LAMA4: variants seen among roughly 807,000 people sequenced by gnomAD.
The protein encoded by LAMA4 is laminin subunit alpha-4.
In LAMA4, 127 loss-of-function variants were observed where a neutral mutation model predicts 207.1. The observed-to-expected ratio is 0.61, with a 90% CI of 0.53 to 0.71. The LOEUF (loss-of-function observed/expected upper bound fraction) is 0.71, where lower values mean the gene tolerates loss of function less well. Among genes scored for constraint, LAMA4 ranks in the 30% least tolerant of loss-of-function variants. The pLI is 0.00. For missense variants in LAMA4, 2,093 were observed against 2,246.5 expected, an observed-to-expected ratio of 0.93 and a Z score of 1.38; for synonymous variants, 761 against 816.0, an observed-to-expected ratio of 0.93 and a Z score of 1.15.
At chr6:112,138,510 A>G (rs1779486812) in intron 24 of LAMA4, among the ~76,000 whole-genome samples, 1 of 152,192 alleles carries the variant, frequency 6.6e-6, no homozygotes, top group South Asian at 2.1e-4. Flanking sequence ...TGAGCTGTAC[A>G]GTAGATAAAG....
At chr6:112,114,333 A>G (rs587649673) in intron 37 of LAMA4, 138 bp from the exon 38 acceptor site, 1 of 850,100 alleles carries the variant, frequency 1.2e-6, no homozygotes, top group Non-Finnish European at 1.9e-6. Flanking sequence ...TATTAAAATC[A>G]TCAATGATGT....
intron 5 of LAMA4, among the ~76,000 whole-genome samples, chr6:112,193,201 C>T (rs781975146): frequency 6.6e-6 from 1 of 152,082 alleles, no homozygotes; most frequent in African/African-American, 2.4e-5. Context: ...AGAAAGAGAG[C>T]CAGCAAAGGG....
intron 16 of LAMA4, among the ~76,000 whole-genome samples, chr6:112,153,066 T>C (rs1281677426): frequency 6.6e-6 from 1 of 152,100 alleles, no homozygotes; most frequent in Non-Finnish European, 1.5e-5. Flanking sequence ...ATTTACTGAC[T>C]TGCATAAATA....
intron 11 of LAMA4, among the ~76,000 whole-genome samples, chr6:112,174,481 C>T (rs767291955): frequency 2.3e-4 from 35 of 152,260 alleles, no homozygotes; most frequent in Non-Finnish European, 4.4e-4. Flanking sequence ...TAAATGAATA[C>T]ATTTGGGGTG....
intron 2 of LAMA4, among the ~76,000 whole-genome samples, chr6:112,225,026 C>T (rs2115101600): frequency 6.6e-6 from 1 of 151,376 alleles, no homozygotes; most frequent in South Asian, 2.1e-4. Flanking sequence ...TTCTACATTG[C>T]TGGTGTTCTC....
rs782146846 is a variant in LAMA4 at position 112,185,252 on chromosome 6, C to G, written c.1062G>C (p.Glu354Asp). The change falls in exon 9 of 39, where the codon GAG becomes GAC. Residue 354 changes from glutamate (E) to aspartate (D), a missense_variant. Coordinates refer to ENST00000230538, the MANE Select transcript of LAMA4 (RefSeq NM_001105206.3). ...ACATACGTACCTTTTCAACTAATTC[C>G]TCTACGTCAGACAGAAGGCTTTTCA... ...NTMKSLLSDVEELVEKENQAS... is the reference protein window; with the variant it reads ...NTMKSLLSDVDELVEKENQAS... The G allele has an allele frequency of 6.2e-7, 1 of 1,603,958 alleles. No homozygotes were observed. The highest frequency in any genetic ancestry group is 1.1e-5 in the South Asian group (1 of 90,836).
At chr6:112,136,691 CA>C (rs57602663) in intron 24 of LAMA4, among the ~76,000 whole-genome samples, 23,322 of 118,038 alleles carry the variant, frequency 0.2, 2,317 homozygotes, top group South Asian at 0.37. Context: ...GACTCTGTCT[CA>C]AAAAAAAAAA....
intron 9 of LAMA4, among the ~76,000 whole-genome samples, chr6:112,184,342 G>T (rs894946830): frequency 2.7e-4 from 40 of 149,942 alleles, no homozygotes; most frequent in African/African-American, 8.8e-4. Context: ...AAAAAAAACT[G>T]TGTTAAACAT....
At chr6:112,174,072 A>G (rs983830802) in intron 11 of LAMA4, among the ~76,000 whole-genome samples, 5 of 152,256 alleles carry the variant, frequency 3.3e-5, no homozygotes, top group African/African-American at 9.6e-5. Context: ...GCTAAAATAT[A>G]ATATGCAAAT....
intron 3 of LAMA4, among the ~76,000 whole-genome samples, chr6:112,214,958 A>C (rs1429740628): frequency 1.3e-5 from 2 of 152,234 alleles, no homozygotes; most frequent in Non-Finnish European, 2.9e-5. Context: ...GTCTTGCATA[A>C]TATTGACTGC....
At chr6:112,114,244 T>TAA (rs200663437) in intron 37 of LAMA4, 49 bp from the exon 38 acceptor site, 15 of 1,597,194 alleles carry the variant, frequency 9.4e-6, no homozygotes, top group Non-Finnish European at 1.2e-5. Flanking sequence ...GAGTGATGAA[T>TAA]TTTTAACCTG....
intron 18 of LAMA4, among the ~76,000 whole-genome samples, chr6:112,145,233 G>A (rs1779949707): frequency 6.6e-6 from 1 of 152,210 alleles, no homozygotes; most frequent in African/African-American, 2.4e-5. Flanking sequence ...GTTTGAAAAT[G>A]TATAACTGCC....
intron 2 of LAMA4, among the ~76,000 whole-genome samples, chr6:112,229,060 C>G (rs554284662): frequency 6.6e-6 from 1 of 152,292 alleles, no homozygotes; most frequent in South Asian, 2.1e-4. Flanking sequence ...TTGCCTTTAC[C>G]AAATTTCAAA....
chr6:112,200,884 G>A (rs1454707786), intron 5 of LAMA4, among the ~76,000 whole-genome samples: 1 of 152,076 alleles, frequency 6.6e-6, no homozygotes, highest in Non-Finnish European at 1.5e-5. Flanking sequence ...GCCTGTCAGT[G>A]GGTGGGGGGC....
intron 2 of LAMA4, among the ~76,000 whole-genome samples, chr6:112,225,459 G>C (rs11153347): frequency 0.28 from 43,092 of 152,050 alleles, 7,459 homozygotes; most frequent in Non-Finnish European, 0.4. Flanking sequence ...ATTCCTCAAG[G>C]ATCAGAGGAT....
chr6:112,231,002 A>T (rs1785527609), intron 2 of LAMA4, among the ~76,000 whole-genome samples: 1 of 152,228 alleles, frequency 6.6e-6, no homozygotes, highest in Non-Finnish European at 1.5e-5. Flanking sequence ...CTTGATGAGG[A>T]TGATGATGAA....
intron 5 of LAMA4, among the ~76,000 whole-genome samples, chr6:112,200,338 T>C (rs1368694247): frequency 2.2e-4 from 33 of 152,178 alleles, no homozygotes; most frequent in Admixed American, 2.2e-3. Context: ...TGAGATACCA[T>C]CTCACACCAG....
At chr6:112,241,152 TATATATATGAATATATATGA>T (rs369585480) in intron 2 of LAMA4, among the ~76,000 whole-genome samples, 4,519 of 93,624 alleles carry the variant, frequency 0.048, 238 homozygotes, top group Non-Finnish European at 0.054. Flanking sequence ...TATATATGAA[TATATATATGAATATATATGA>T]ATATATATGA....
Position 112,215,716 on chromosome 6 carries a change from T to C in LAMA4, c.297+652A>G, listed in dbSNP as rs538591898. 1.9e-3 allele frequency among the ~76,000 whole-genome samples: 296 copies of C among 152,334 alleles called. 1 individual carries two copies. Among genetic ancestry groups the C allele is most frequent in the Non-Finnish European group, 3.3e-3 (224 of 68,014 alleles). ...GTCCATTCATTAAAAATGGGAAATA[T>C]GTAGCAAGTACTTTTCTGCTGGAAG... On this transcript the variant is annotated intron_variant, in intron 3 of 38. Transcript: ENST00000230538.
Sources: allele counts gnomAD v4.1 joint callset (sites outside exome capture counted in the v4.1 genomes callset), GRCh38; gene constraint gnomAD v4.1.1; transcripts MANE v1.5; gene names NCBI Gene and HGNC (gene_info 2026-07-23, HGNC 2026-07-21).